Variants in TRHDE observed in about 807,000 individuals in gnomAD.
The protein encoded by TRHDE is thyrotropin-releasing hormone-degrading ectoenzyme.
Under a neutral mutation model 125.7 loss-of-function variants are expected in TRHDE, and 72 were observed. The ratio of observed to expected loss-of-function variants is 0.57; its 90% CI spans 0.47 to 0.70. The LOEUF (loss-of-function observed/expected upper bound fraction) is 0.70. Among genes scored for constraint, TRHDE ranks in the 30% least tolerant of loss-of-function variants. The pLI is 0.00. For missense variants in TRHDE, 1,110 were observed against 1,327.1 expected (o/e 0.84, Z 2.54); for synonymous variants, 509 against 509.1 (o/e 1.00, Z 0.00).
intron 3 of TRHDE, among the ~76,000 whole-genome samples, chr12:72,423,563 A>G (rs1394674148): frequency 1.3e-5 from 2 of 152,184 alleles, no homozygotes; most frequent in Non-Finnish European, 2.9e-5. Context: ...CACCTTGAGG[A>G]ACTTTAATTC....
At position 72,273,945 on chromosome 12, in the gene TRHDE, G is replaced by A; in HGVS notation, c.914+388G>A. 9.8e-6 allele frequency: 2 copies of A among 203,342 alleles called. No homozygotes were observed. Among genetic ancestry groups the A allele is most frequent in the Admixed American group, 5.2e-5 (1 of 19,208 alleles). The allele number at this position is 203,342 out of a possible 1,614,324, so 12.6% of individuals were successfully genotyped here. ...TTACTGTCGAGGGAAAATACGTGGC[G>A]CTGAAGGCCAAGACAACAGCGCATC... On this transcript the variant is annotated intron_variant, in intron 1 of 18. Transcript: ENST00000261180. This position sits in a 1 kb window ranked among gnomAD's most constrained non-coding sequence, Gnocchi z 5.3.
intron 2 of TRHDE, among the ~76,000 whole-genome samples, chr12:72,125,853 G>A (rs1875700516): frequency 6.6e-6 from 1 of 152,146 alleles, no homozygotes; most frequent in Non-Finnish European, 1.5e-5. Context: ...TCCAGACCAT[G>A]GTACAGAACA....
At chr12:72,625,481 A>T (rs543919212) in intron 15 of TRHDE, among the ~76,000 whole-genome samples, 1 of 152,002 alleles carries the variant, frequency 6.6e-6, no homozygotes, top group African/African-American at 2.4e-5. Flanking sequence ...AGTCAATTCT[A>T]TAATAAAAAT....
intron 2 of TRHDE, among the ~76,000 whole-genome samples, chr12:72,249,833 G>T (rs1878643343): frequency 6.6e-6 from 1 of 152,044 alleles, no homozygotes. Context: ...GGCATACAAA[G>T]ACTCATACAT....
At chr12:72,628,147 A>G (rs898489150) in intron 15 of TRHDE, among the ~76,000 whole-genome samples, 1 of 151,892 alleles carries the variant, frequency 6.6e-6, no homozygotes, top group Non-Finnish European at 1.5e-5. Context: ...GAACAAAAGA[A>G]CATGCCTCCT....
chr12:72,481,982 G>A (rs1047182745), intron 5 of TRHDE, among the ~76,000 whole-genome samples: 1 of 151,898 alleles, frequency 6.6e-6, no homozygotes, highest in Non-Finnish European at 1.5e-5. Context: ...CTTCTTAAGT[G>A]CTGTTAATGG....
At chr12:72,491,563 G>A (rs1441919602) in intron 5 of TRHDE, among the ~76,000 whole-genome samples, 1 of 151,888 alleles carries the variant, frequency 6.6e-6, no homozygotes, top group Non-Finnish European at 1.5e-5. Context: ...GAGACATGAC[G>A]CATTCAGCTT....
At chr12:72,434,291 A>T (rs1285153158) in intron 3 of TRHDE, among the ~76,000 whole-genome samples, 1 of 151,100 alleles carries the variant, frequency 6.6e-6, no homozygotes, top group Non-Finnish European at 1.5e-5. Flanking sequence ...AGGCTGAGGC[A>T]GGAGAATCAC....
Position 72,384,705 on chromosome 12 carries a change from G to C in TRHDE, c.1315+6584G>C, listed in dbSNP as rs368536127. ...TTCTATAATAGAATAGTTAAATTATGGGATAAATTGCCCTATTGAAGTTCA... is the reference window on the plus strand; with the variant it reads ...TTCTATAATAGAATAGTTAAATTATCGGATAAATTGCCCTATTGAAGTTCA... On this transcript the variant is annotated intron_variant, in intron 3 of 18. Transcript: ENST00000261180. Among the ~76,000 whole-genome samples, 6 of 152,028 alleles carry C rather than the reference G, an allele frequency of 3.9e-5. No homozygotes were observed. The South Asian group carries it at 1.2e-3, about 32-fold the overall frequency.
intron 2 of TRHDE, among the ~76,000 whole-genome samples, chr12:72,265,268 A>G (rs1879039789): frequency 6.6e-6 from 1 of 152,014 alleles, no homozygotes; most frequent in African/African-American, 2.4e-5. Flanking sequence ...TAATTGTTTG[A>G]ACTTCAAGAA....
At chr12:72,505,868 C>A (rs1878335641) in intron 6 of TRHDE, among the ~76,000 whole-genome samples, 1 of 152,184 alleles carries the variant, frequency 6.6e-6, no homozygotes, top group African/African-American at 2.4e-5. Flanking sequence ...GTATCTATCA[C>A]CCCTTGTAAT....
chr12:72,227,922 C>T (rs1378887472), intron 2 of TRHDE, among the ~76,000 whole-genome samples: 1 of 152,206 alleles, frequency 6.6e-6, no homozygotes, highest in Non-Finnish European at 1.5e-5. Flanking sequence ...CATGCTGATG[C>T]AAGATGTGGC....
intron 6 of TRHDE, among the ~76,000 whole-genome samples, chr12:72,526,613 CA>C (rs1868342728): frequency 6.6e-6 from 1 of 152,078 alleles, no homozygotes; most frequent in Non-Finnish European, 1.5e-5. Flanking sequence ...TCTCTGGCAA[CA>C]AAAGGATTAC....
intron 2 of TRHDE, among the ~76,000 whole-genome samples, chr12:72,318,989 G>A (rs1179416894): frequency 6.6e-6 from 1 of 152,172 alleles, no homozygotes; most frequent in Non-Finnish European, 1.5e-5. Context: ...AGTAGGCGTG[G>A]AGAGAGGGCA....
At chr12:72,187,077 A>G (rs375277973) in intron 2 of TRHDE, among the ~76,000 whole-genome samples, 2 of 152,148 alleles carry the variant, frequency 1.3e-5, no homozygotes, top group East Asian at 3.9e-4. Context: ...TAGCCTAGAA[A>G]CAGAATTTTG....
chr12:72,355,460 A>G (rs1870772931), intron 2 of TRHDE, among the ~76,000 whole-genome samples: 1 of 151,748 alleles, frequency 6.6e-6, no homozygotes, highest in South Asian at 2.1e-4. Context: ...ACCCAAGAGG[A>G]CGACCTAGGC....
In TRHDE at chr12:72,273,911, C is replaced by G; in HGVS notation, c.914+354C>G. On this transcript the variant is annotated intron_variant, in intron 1 of 18. Transcript: ENST00000261180. This position sits in a 1 kb window ranked among gnomAD's most constrained non-coding sequence, Gnocchi z 5.3. ...AGCGATGCCAGAGTGACATGAAAAG[C>G]TTGCCAAGTTACTGTCGAGGGAAAA... 4.4e-6 allele frequency: 1 copy of G among 229,266 alleles called. No individual in the cohort carries two copies. The highest frequency in any genetic ancestry group is 8.6e-6 in the Non-Finnish European group (1 of 116,488). 14.2% of individuals were successfully genotyped at this position (229,266 alleles called of 1,614,324 possible).
At chr12:72,375,108 G>A (rs1379600383) in intron 2 of TRHDE, among the ~76,000 whole-genome samples, 2 of 152,160 alleles carry the variant, frequency 1.3e-5, no homozygotes, top group African/African-American at 2.4e-5. Flanking sequence ...CTTAGCCTTG[G>A]ATAGGAGCTT....
intron 2 of TRHDE, among the ~76,000 whole-genome samples, chr12:72,331,299 G>A (rs927724055): frequency 1.3e-5 from 2 of 152,156 alleles, no homozygotes; most frequent in Admixed American, 1.3e-4. Context: ...ACTTACCGGT[G>A]TCTTGTCTTT....
Sources: allele counts gnomAD v4.1 joint callset (sites outside exome capture counted in the v4.1 genomes callset), GRCh38; gene constraint gnomAD v4.1.1; non-coding constraint Gnocchi (gnomAD v3.1); transcripts MANE v1.5; gene names NCBI Gene and HGNC (gene_info 2026-07-23, HGNC 2026-07-21).